TRIM49: variants seen among roughly 807,000 people sequenced by gnomAD.
The protein encoded by TRIM49 is tripartite motif-containing protein 49.
Under a neutral mutation model 27.4 loss-of-function variants are expected in TRIM49, and 5 were observed. The ratio of observed to expected loss-of-function variants is 0.18; its 90% CI spans 0.10 to 0.38. TRIM49 has a LOEUF of 0.38. Among genes scored for constraint, TRIM49 ranks in the 10% least tolerant of loss-of-function variants. TRIM49 has a pLI of 1.00. For missense variants in TRIM49, 188 were observed against 487.5 expected (o/e 0.39, Z 5.79); for synonymous variants, 69 against 166.0 (o/e 0.42, Z 4.49).
the TRIM49 span, chr11:89,776,879 T>C: frequency 1.6e-6 from 2 of 1,288,814 alleles, no homozygotes; most frequent in Admixed American, 2.6e-5. Flanking sequence ...AGAGCTCAAG[T>C]AGACAAAGAA....
chr11:89,796,538 C>T (rs1263720813), downstream of TRIM49, among the ~76,000 whole-genome samples: 2 of 143,226 alleles, frequency 1.4e-5, no homozygotes, highest in Admixed American at 6.8e-5. Flanking sequence ...GCCTGGGCTC[C>T]TATTTTATTC....
intron 2 of TRIM49, among the ~76,000 whole-genome samples, chr11:89,805,792 A>G (rs966942465): frequency 1.4e-5 from 2 of 147,966 alleles, no homozygotes; most frequent in African/African-American, 5.1e-5. Flanking sequence ...ATCTCGGCTC[A>G]CTGTAACCTC....
chr11:89,774,856 A>G, the TRIM49 span, among the ~76,000 whole-genome samples: 4 of 143,800 alleles, frequency 2.8e-5, no homozygotes, highest in Admixed American at 2.0e-4. Context: ...CTGTATTGTT[A>G]GATTTTTCTT....
intron 2 of TRIM49, 98 bp from the exon 3 acceptor site, chr11:89,804,571 C>G: frequency 1.5e-6 from 2 of 1,298,352 alleles, no homozygotes; most frequent in Non-Finnish European, 2.1e-6. Flanking sequence ...CTTCTCTTGA[C>G]AGTGTTCATT....
the TRIM49 span, among the ~76,000 whole-genome samples, chr11:89,781,204 CA>C: frequency 5.2e-5 from 2 of 38,244 alleles, no homozygotes; most frequent in South Asian, 1.9e-3. Flanking sequence ...AAAATCAGAA[CA>C]TTTTGATCAA....
chr11:89,768,903 G>A, the TRIM49 span: 1 of 490,332 alleles, frequency 2.0e-6, no homozygotes, highest in Admixed American at 2.0e-5. Context: ...TTCTTGTTGG[G>A]TGAGGTGGCT....
chr11:89,799,963 T>C (rs1420225212), intron 6 of TRIM49, 150 bp from the exon 7 acceptor site: 4 of 613,178 alleles, frequency 6.5e-6, no homozygotes, highest in Admixed American at 5.8e-5. Flanking sequence ...ATTAATTCTT[T>C]ACAGTTTCTA....
intron 2 of TRIM49, 112 bp from the exon 3 acceptor site, chr11:89,804,585 G>A (rs1318979503): frequency 2.8e-6 from 3 of 1,079,718 alleles, no homozygotes; most frequent in South Asian, 3.3e-5. Context: ...GTTCATTAAA[G>A]TACAACAAAC....
chr11:89,789,865 A>G, the TRIM49 span: 2 of 152,834 alleles, frequency 1.3e-5, no homozygotes, highest in South Asian at 2.1e-4. Context: ...CGTTTCCAAC[A>G]GAGGTACTGG....
the TRIM49 span, among the ~76,000 whole-genome samples, chr11:89,792,019 C>T: frequency 6.8e-6 from 1 of 148,134 alleles, no homozygotes; most frequent in Admixed American, 6.7e-5. Context: ...CAGAGACACA[C>T]ATAGGCTCAA....
At chr11:89,784,581 G>A in the TRIM49 span, among the ~76,000 whole-genome samples, 1 of 134,436 alleles carries the variant, frequency 7.4e-6, no homozygotes, top group Non-Finnish European at 1.5e-5. Context: ...CAAGCGATCT[G>A]AGATGATAAA....
intron 6 of TRIM49, among the ~76,000 whole-genome samples, chr11:89,800,592 A>G (rs1001183457): frequency 6.7e-6 from 1 of 150,226 alleles, no homozygotes; most frequent in Non-Finnish European, 1.5e-5. Context: ...AAATACAAAA[A>G]ATTAGCCGGG....
the TRIM49 span, chr11:89,768,156 G>T: frequency 3.6e-6 from 4 of 1,101,068 alleles, no homozygotes; most frequent in Non-Finnish European, 3.9e-6. Context: ...TGAAGGCATT[G>T]CATGTTGATC....
chr11:89,797,157 A>G (rs1276184311), downstream of TRIM49, among the ~76,000 whole-genome samples: 3 of 151,282 alleles, frequency 2.0e-5, no homozygotes, highest in African/African-American at 7.3e-5. Flanking sequence ...ATATTTGGCT[A>G]GTTATTTATG....
chr11:89,792,032 TA>T, the TRIM49 span, among the ~76,000 whole-genome samples: 2 of 147,808 alleles, frequency 1.4e-5, no homozygotes, highest in Non-Finnish European at 3.0e-5. Context: ...AGGCTCAAAA[TA>T]AAAGGATGGA....
At position 89,799,950 on chromosome 11, in the gene TRIM49, C is replaced by A. The variant is rs1462310906; in HGVS notation, c.762-137G>T. The A allele has an allele frequency of 1.7e-4, 110 of 637,382 alleles. 5 individuals are homozygous for A. The African/African-American group carries it at 2.0e-3, about 11-fold the overall frequency. The allele number at this position is 637,382 out of a possible 1,614,324, so 39.5% of individuals were successfully genotyped here. A position where few individuals can be genotyped will look rare whatever the true frequency, so the allele number is the denominator to read the frequency against. On this transcript the variant is annotated intron_variant, in intron 6 of 7. Transcript: ENST00000329758. ...ATTCAAAAATTAATCCTTCCTTTTG[C>A]AAATTAATTCTTTACAGTTTCTAAA...
the TRIM49 span, among the ~76,000 whole-genome samples, chr11:89,790,653 C>A: frequency 6.6e-6 from 1 of 151,914 alleles, no homozygotes; most frequent in Admixed American, 6.5e-5. Flanking sequence ...TGGAGTGGAC[C>A]TCCAGAAAAC....
intron 4 of TRIM49, among the ~76,000 whole-genome samples, 168 bp downstream of exon 4, chr11:89,803,530 A>C (rs1464796458): frequency 6.6e-6 from 1 of 151,638 alleles, no homozygotes; most frequent in Admixed American, 6.6e-5. Context: ...CCTAACAGGC[A>C]TACTATTCTA....
chr11:89,797,075 T>A (rs1949695687), downstream of TRIM49, among the ~76,000 whole-genome samples: 1 of 152,126 alleles, frequency 6.6e-6, no homozygotes, highest in Non-Finnish European at 1.5e-5. Flanking sequence ...GGTATTTTTT[T>A]ATGAGGGCCT....
Sources: gnomAD v4.1 joint callset for allele counts (sites outside exome capture counted in the v4.1 genomes callset) on GRCh38, gnomAD v4.1.1 for gene constraint, MANE v1.5 for transcripts, NCBI Gene and HGNC (gene_info 2026-07-23, HGNC 2026-07-21) for gene names.